Variants in DPYD observed in about 807,000 individuals in gnomAD.
DPYD encodes dihydropyrimidine dehydrogenase.
DPYD carries 109 observed loss-of-function variants against 116.2 expected under a neutral mutation model. That is an observed-to-expected ratio of 0.94 (90% CI 0.80 to 1.10). DPYD has a LOEUF of 1.10. Ranked by LOEUF, DPYD falls within the 50% of genes least tolerant of loss-of-function variation. The probability of loss-of-function intolerance (pLI) is 0.00; values close to 1 mark genes in which losing one functional copy is unlikely to be tolerated. For synonymous variants in DPYD, 440 were observed against 432.0 expected, an observed-to-expected ratio of 1.02 and a Z score of -0.23; for missense variants, 1,302 against 1,254.5, an observed-to-expected ratio of 1.04 and a Z score of -0.57.
chr1:97,718,983 T>C (rs1662770814), intron 5 of DPYD, among the ~76,000 whole-genome samples: 1 of 151,602 alleles, frequency 6.6e-6, no homozygotes, highest in East Asian at 1.9e-4. Flanking sequence ...AATGTCATGA[T>C]AGGATTAAAA....
Position 97,238,600 on chromosome 1 carries a change from C to T in DPYD, c.2300-3606G>A, listed in dbSNP as rs115948806. 7.1e-3 allele frequency among the ~76,000 whole-genome samples: 1,082 copies of T among 152,176 alleles called. 9 individuals are homozygous for T. Among genetic ancestry groups the T allele is most frequent in the Middle Eastern group, 0.037 (11 of 294 alleles). On this transcript the variant is annotated intron_variant, in intron 18 of 22. Transcript: ENST00000370192. The stretch of plus-strand genomic sequence containing the variant: ...TATATCAATGCCATACAAAATTGTA[C>T]ATATGCCAATTAAAATCATAAAGAC...
chr1:97,722,845 A>G (rs1663000068), intron 4 of DPYD, among the ~76,000 whole-genome samples: 1 of 151,510 alleles, frequency 6.6e-6, no homozygotes, highest in African/African-American at 2.4e-5. Flanking sequence ...ATCATCTCTC[A>G]CTATATAGGA....
intron 16 of DPYD, among the ~76,000 whole-genome samples, chr1:97,361,038 CA>C (rs570685801): frequency 6.6e-6 from 1 of 151,728 alleles, no homozygotes; most frequent in African/African-American, 2.4e-5. Flanking sequence ...AAAAGATCAA[CA>C]AAATTGATAG....
intron 16 of DPYD, among the ~76,000 whole-genome samples, chr1:97,317,599 G>C (rs543425817): frequency 6.6e-6 from 1 of 152,034 alleles, no homozygotes; most frequent in South Asian, 2.1e-4. Context: ...TATTCACTTA[G>C]CTTATGTATT....
intron 12 of DPYD, among the ~76,000 whole-genome samples, chr1:97,548,714 C>CTAATAT (rs1326816260): frequency 6.6e-6 from 1 of 152,044 alleles, no homozygotes; most frequent in East Asian, 1.9e-4. Context: ...CCAGCCTGGG[C>CTAATAT]ATTAGAGCGA....
At chr1:97,182,832 A>AT (rs1186406831) in intron 20 of DPYD, among the ~76,000 whole-genome samples, 2 of 152,120 alleles carry the variant, frequency 1.3e-5, no homozygotes, top group Non-Finnish European at 2.9e-5. Context: ...CTTATTATAG[A>AT]TTTTCCATTT....
chr1:97,588,524 A>C, intron 10 of DPYD, among the ~76,000 whole-genome samples: 1 of 152,208 alleles, frequency 6.6e-6, no homozygotes, highest in South Asian at 2.1e-4. Flanking sequence ...CAACTGCCTA[A>C]AGCATCCTTG....
intron 13 of DPYD, among the ~76,000 whole-genome samples, chr1:97,474,281 T>C (rs1677827133): frequency 6.6e-6 from 1 of 152,080 alleles, no homozygotes; most frequent in African/African-American, 2.4e-5. Context: ...TAAATGTAAA[T>C]ATAAATATTA....
At chr1:97,732,233 T>C (rs1164752550) in intron 4 of DPYD, among the ~76,000 whole-genome samples, 4 of 152,010 alleles carry the variant, frequency 2.6e-5, no homozygotes, top group Admixed American at 1.3e-4. Context: ...TCCCAGCACT[T>C]TGGGAGGCCG....
At chr1:97,537,031 T>A (rs573551878) in intron 12 of DPYD, among the ~76,000 whole-genome samples, 41 of 152,360 alleles carry the variant, frequency 2.7e-4, no homozygotes, top group African/African-American at 9.9e-4. Flanking sequence ...CCTTTGAAGA[T>A]GTGAAATTAA....
At chr1:97,428,447 T>C (rs568396146) in intron 14 of DPYD, among the ~76,000 whole-genome samples, 52 of 152,240 alleles carry the variant, frequency 3.4e-4, no homozygotes, top group African/African-American at 1.2e-3. Flanking sequence ...TGAGTACTTA[T>C]GTAAATGAAT....
chr1:97,774,268 A>G (rs1666286799), intron 3 of DPYD, among the ~76,000 whole-genome samples: 2 of 152,120 alleles, frequency 1.3e-5, no homozygotes, highest in South Asian at 4.1e-4. Flanking sequence ...CTCTTCCAAA[A>G]CACTGCCACC....
rs191621845 is a variant in DPYD at position 97,787,460 on chromosome 1, G to T, written c.233+40654C>A. Among the ~76,000 whole-genome samples the T allele has an allele frequency of 1.2e-4, 19 of 152,284 alleles. No homozygotes were observed. The East Asian group carries it at 3.5e-3, about 28-fold the overall frequency. ...CAGTCATCCATGGCAAAGTTCCCCT[G>T]CTAGTCTGTAATACGTGAAGAAGAA... On this transcript the variant is annotated intron_variant, in intron 3 of 22. Coordinates refer to ENST00000370192, the MANE Select transcript of DPYD (RefSeq NM_000110.4).
chr1:97,596,092 A>T (rs1189473065), intron 8 of DPYD, among the ~76,000 whole-genome samples: 3 of 152,078 alleles, frequency 2.0e-5, no homozygotes, highest in Non-Finnish European at 4.4e-5. Flanking sequence ...GGAAAATAAG[A>T]TGAGAGAGTA....
chr1:97,241,084 T>C (rs1430062332), intron 18 of DPYD, among the ~76,000 whole-genome samples: 5 of 152,088 alleles, frequency 3.3e-5, no homozygotes, highest in Admixed American at 3.3e-4. Flanking sequence ...AATGTTTTAA[T>C]TTTAGTTGAA....
intron 3 of DPYD, among the ~76,000 whole-genome samples, chr1:97,767,550 G>A (rs954671425): frequency 1.3e-5 from 2 of 152,026 alleles, no homozygotes; most frequent in South Asian, 2.1e-4. Context: ...TTTGTCTGAC[G>A]GAGGATGAGA....
At chr1:97,529,686 TTC>T (rs778178859) in intron 12 of DPYD, among the ~76,000 whole-genome samples, 17 of 151,004 alleles carry the variant, frequency 1.1e-4, no homozygotes, top group African/African-American at 1.7e-4. Flanking sequence ...CTCTTTTCTT[TTC>T]TTTCTTTCCT....
chr1:97,300,339 C>T (rs565846328), intron 18 of DPYD, among the ~76,000 whole-genome samples: 1 of 152,182 alleles, frequency 6.6e-6, no homozygotes, highest in African/African-American at 2.4e-5. Flanking sequence ...AGCCTAAGCT[C>T]TTATCGATCA....
chr1:97,291,758 A>G (rs1305931607), intron 18 of DPYD, among the ~76,000 whole-genome samples: 1 of 152,134 alleles, frequency 6.6e-6, no homozygotes, highest in Non-Finnish European at 1.5e-5. Flanking sequence ...TAATGGGTGC[A>G]GCACACCAGC....
Sources: allele counts gnomAD v4.1 joint callset (sites outside exome capture counted in the v4.1 genomes callset), GRCh38; gene constraint gnomAD v4.1.1; transcripts MANE v1.5; gene names NCBI Gene and HGNC (gene_info 2026-07-23, HGNC 2026-07-21).